Variants in DOCK10 observed in about 807,000 individuals in gnomAD.
DOCK10 encodes the protein dedicator of cytokinesis 10, also known as dedicator of cytokinesis protein 10.
In DOCK10, 145 loss-of-function variants were observed where a neutral mutation model predicts 280.1. The ratio of observed to expected loss-of-function variants is 0.52; its 90% CI spans 0.45 to 0.59. The LOEUF (loss-of-function observed/expected upper bound fraction) is 0.59, where lower values mean the gene tolerates loss of function less well. DOCK10 is among the 20% of genes least tolerant of loss of function. The pLI is 0.00. For missense variants in DOCK10, 2,368 were observed against 2,651.7 expected (o/e 0.89, Z 2.35); for synonymous variants, 915 against 942.2 (o/e 0.97, Z 0.53).
At chr2:225,022,016 C>A (rs867440382) in intron 1 of DOCK10, among the ~76,000 whole-genome samples, 23 of 152,068 alleles carry the variant, frequency 1.5e-4, no homozygotes, top group African/African-American at 4.8e-4. Flanking sequence ...TAGTAGGTGG[C>A]AAAAGAACAT....
chr2:224,946,806 A>G (rs755056963), intron 1 of DOCK10: 3 of 1,438,278 alleles, frequency 2.1e-6, no homozygotes, highest in Non-Finnish European at 9.4e-7. Context: ...AAAGGATTGA[A>G]GGAAAGATGG....
rs1196539210 is a variant in DOCK10, at chr2:224,804,123, G to A, written c.4257C>T (p.Leu1419=). 1.2e-6 allele frequency: 2 copies of A among 1,607,544 alleles called. No homozygotes were observed. Among genetic ancestry groups the A allele is most frequent in the Non-Finnish European group, 8.5e-7 (1 of 1,174,806 alleles). Residue 1419 remains leucine, a synonymous_variant, in exon 39 of 56, where the codon CTC becomes CTT. Coordinates refer to ENST00000258390, the MANE Select transcript of DOCK10 (RefSeq NM_014689.3). The part of the protein sequence containing the change: ...GSNPSCQTSG[L]LSQWMHSTSS... The stretch of plus-strand genomic sequence containing the variant: ...AAATGTGACATTACCATTGTGACAA[G>A]AGACCTGATGTCTGGCAGGAAGGAT...
chr2:224,813,558 C>A (rs1693926105), intron 31 of DOCK10, among the ~76,000 whole-genome samples: 1 of 152,210 alleles, frequency 6.6e-6, no homozygotes, highest in Non-Finnish European at 1.5e-5. Context: ...GTGTATACAA[C>A]CTGCTGTCTG....
rs766603949 is a variant in DOCK10, at chr2:224,765,828, T to C, written c.6454A>G (p.Arg2152Gly). 1.2e-6 allele frequency: 2 copies of C among 1,613,462 alleles called. No individual in the cohort carries two copies. Among genetic ancestry groups the C allele is most frequent in the Admixed American group, 3.3e-5 (2 of 59,960 alleles). The change falls in exon 56 of 56, where the codon AGG becomes GGG. Residue 2152 changes from arginine to glycine, a missense_variant. By Grantham distance (125) the Arg-to-Gly change is moderately radical. This residue lies in a region of DOCK10 where 1,159 missense variants were observed against 1,400.8 expected (regional missense o/e 0.83). Transcript: ENST00000258390. ...ACTCCGCGCTTTGACAGGTCGTCCC[T>C]GCCCGTAATCTTAAAACAGGGAAAA... The part of the protein sequence containing the change: ...STVMNEQITG[R>G]DDLSKRGVDQ...
At position 224,876,121 on chromosome 2, in the gene DOCK10, T is replaced by G; in HGVS notation, c.848A>C (p.His283Pro). The G allele has an allele frequency of 6.2e-7, 1 of 1,614,014 alleles. No individual in the cohort carries two copies. Among genetic ancestry groups the G allele is most frequent in the Admixed American group, 1.7e-5 (1 of 60,018 alleles). ...GATTTGCAGAATGCGGTTGAGGGTG[T>G]GGATCCATTCATCCATATCTGACTC... ...ETESDMDEWI[H>P]TLNRILQISP... The change falls in exon 8 of 56, where the codon CAC becomes CCC. Residue 283 changes from histidine (H) to proline (P), a missense_variant. Transcript: ENST00000258390.
chr2:224,903,446 A>G (rs1459860109), intron 3 of DOCK10, among the ~76,000 whole-genome samples: 1 of 152,218 alleles, frequency 6.6e-6, no homozygotes, highest in Non-Finnish European at 1.5e-5. Flanking sequence ...ATTCATGGTA[A>G]ATTGAAAGTG....
At chr2:225,030,665 C>T (rs1046839918) in intron 1 of DOCK10, among the ~76,000 whole-genome samples, 5 of 152,098 alleles carry the variant, frequency 3.3e-5, no homozygotes, top group African/African-American at 1.2e-4. Context: ...AAATGCATGC[C>T]AATCAAGATT....
Position 224,852,933 on chromosome 2 carries a change from A to G in DOCK10, c.2076+2T>C. On this transcript the variant is annotated splice_donor_variant, in intron 17 of 55. Coordinates refer to ENST00000258390, the MANE Select transcript of DOCK10 (RefSeq NM_014689.3). LOFTEE classifies it high-confidence loss of function. Reference sequence around the variant, plus strand: ...ATGATATCTCTGGAACTTATATCATACCTTGTTGAAGCATTTCTGGCTATC... The same window carrying G: ...ATGATATCTCTGGAACTTATATCATGCCTTGTTGAAGCATTTCTGGCTATC... The G allele has an allele frequency of 6.3e-7, 1 of 1,587,010 alleles. No homozygotes were observed. Among genetic ancestry groups the G allele is most frequent in the Non-Finnish European group, 8.6e-7 (1 of 1,163,054 alleles).
At chr2:224,979,519 C>T (rs1427015879) in intron 1 of DOCK10, among the ~76,000 whole-genome samples, 1 of 152,224 alleles carries the variant, frequency 6.6e-6, no homozygotes, top group Admixed American at 6.5e-5. Flanking sequence ...CCTCCCTGAC[C>T]TTGCCTTCTA....
intron 25 of DOCK10, among the ~76,000 whole-genome samples, chr2:224,836,900 AT>A (rs35550784): frequency 7.3e-5 from 11 of 149,902 alleles, no homozygotes; most frequent in South Asian, 2.1e-4. Flanking sequence ...CGCTTGGCCG[AT>A]TTTTTTTTTA....
At chr2:224,768,172 C>A (rs1025024543) in intron 55 of DOCK10, among the ~76,000 whole-genome samples, 1 of 152,308 alleles carries the variant, frequency 6.6e-6, no homozygotes, top group South Asian at 2.1e-4. Flanking sequence ...CAGCCTCAGC[C>A]TCCCAAATTG....
At chr2:224,804,301 AC>A in intron 38 of DOCK10, 88 bp from the exon 39 acceptor site, 1 of 701,416 alleles carries the variant, frequency 1.4e-6, no homozygotes, top group East Asian at 2.8e-5. Flanking sequence ...CGATTACTGC[AC>A]AATGAAATAT....
At chr2:224,826,327 G>C in intron 27 of DOCK10, among the ~76,000 whole-genome samples, 1 of 152,040 alleles carries the variant, frequency 6.6e-6, no homozygotes, top group Middle Eastern at 3.2e-3. Flanking sequence ...GCCTCCCAAA[G>C]TGCTGGGATT....
intron 1 of DOCK10, among the ~76,000 whole-genome samples, chr2:224,939,392 A>G (rs1001585539): frequency 6.6e-6 from 1 of 152,222 alleles, no homozygotes; most frequent in Non-Finnish European, 1.5e-5. Flanking sequence ...AAATCTGACC[A>G]TGTATATCTC....
chr2:224,925,829 A>C (rs2125996484), intron 2 of DOCK10, among the ~76,000 whole-genome samples: 1 of 152,266 alleles, frequency 6.6e-6, no homozygotes, highest in Middle Eastern at 3.4e-3. Context: ...TGACTTTCTC[A>C]ACTTTTTTTC....
chr2:224,888,394 A>G (rs1390158807), intron 4 of DOCK10, among the ~76,000 whole-genome samples: 1 of 151,710 alleles, frequency 6.6e-6, no homozygotes, highest in Non-Finnish European at 1.5e-5. Flanking sequence ...GTGAATATAT[A>G]TGTGTGTGCA....
intron 14 of DOCK10, among the ~76,000 whole-genome samples, chr2:224,858,482 C>T (rs371277321): frequency 2.0e-5 from 3 of 152,138 alleles, no homozygotes; most frequent in East Asian, 1.9e-4. Context: ...CATGGTGAAA[C>T]CCCGTCTCTA....
chr2:224,947,437 T>A (rs1033082157), intron 1 of DOCK10, among the ~76,000 whole-genome samples: 4 of 152,240 alleles, frequency 2.6e-5, no homozygotes, highest in Non-Finnish European at 5.9e-5. Context: ...TCTTGTTAAG[T>A]GTAGACTAAA....
intron 2 of DOCK10, among the ~76,000 whole-genome samples, chr2:224,920,333 C>G (rs1451977155): frequency 6.6e-6 from 1 of 151,206 alleles, no homozygotes; most frequent in Admixed American, 6.6e-5. Context: ...CTCGGCTTCT[C>G]AAAGTGCTGG....
Sources: gnomAD v4.1 joint callset for allele counts (sites outside exome capture counted in the v4.1 genomes callset) on GRCh38, gnomAD v4.1.1 for gene constraint, gnomAD v4.1.1 regional missense constraint, MANE v1.5 for transcripts, NCBI Gene and HGNC (gene_info 2026-07-23, HGNC 2026-07-21) for gene names.